Variants in OSBPL2 observed in about 807,000 individuals in gnomAD.
OSBPL2 encodes oxysterol-binding protein-related protein 2.
In OSBPL2, 18 loss-of-function variants were observed where a neutral mutation model predicts 58.4. The observed-to-expected ratio is 0.31, with a 90% confidence interval of 0.21 to 0.46. The LOEUF (loss-of-function observed/expected upper bound fraction) is 0.46. Ranked by LOEUF, OSBPL2 falls within the 20% of genes least tolerant of loss-of-function variation. The pLI is 1.00. For missense variants in OSBPL2, 461 were observed against 616.5 expected, an observed-to-expected ratio of 0.75 and a Z score of 2.67; for synonymous variants, 221 against 234.1, an observed-to-expected ratio of 0.94 and a Z score of 0.51.
chr20:62,291,613 A>G, intron 12 of OSBPL2, 90 bp from the exon 13 acceptor site: 1 of 1,049,270 alleles, frequency 9.5e-7, no homozygotes, highest in South Asian at 1.3e-5. Flanking sequence ...CCACAGTGAG[A>G]CATGCCAACT....
At chr20:62,261,860 A>T (rs1348240627) in intron 3 of OSBPL2, among the ~76,000 whole-genome samples, 2 of 152,092 alleles carry the variant, frequency 1.3e-5, no homozygotes, top group African/African-American at 4.8e-5. Flanking sequence ...CCAGGTTCAG[A>T]TGATTCTCTT....
chr20:62,268,696 C>T (rs751795842), intron 4 of OSBPL2, among the ~76,000 whole-genome samples: 11 of 152,118 alleles, frequency 7.2e-5, no homozygotes, highest in Non-Finnish European at 1.3e-4. Context: ...AACTCCTGGG[C>T]TTAAGTGAAC....
chr20:62,289,395 A>T, intron 12 of OSBPL2, 65 bp downstream of exon 12: 1 of 1,560,822 alleles, frequency 6.4e-7, no homozygotes, highest in Non-Finnish European at 8.7e-7. Flanking sequence ...GTGGGAGAGC[A>T]CAAAGCACTC....
chr20:62,279,554 C>G lies in OSBPL2; in HGVS notation c.674+215C>G. ...CACGTCTGCAGTTGGAATTCGCCCCCCTTTCGGTCACATCATTCATTGTAT... is the reference window on the plus strand; with the variant it reads ...CACGTCTGCAGTTGGAATTCGCCCCGCTTTCGGTCACATCATTCATTGTAT... On this transcript the variant is annotated intron_variant, in intron 7 of 13. Coordinates refer to ENST00000313733, the MANE Select transcript of OSBPL2 (RefSeq NM_144498.4). 7.0e-6 allele frequency: 4 copies of G among 572,072 alleles called. No homozygotes were observed. In the South Asian group the frequency reaches 8.8e-5, roughly 13 times the overall value. 35.4% of individuals were successfully genotyped at this position (572,072 alleles called of 1,614,324 possible). A position where few individuals can be genotyped will look rare whatever the true frequency, so the allele number is the denominator to read the frequency against.
intron 4 of OSBPL2, among the ~76,000 whole-genome samples, chr20:62,267,851 C>T (rs894926067): frequency 6.6e-6 from 1 of 151,900 alleles, no homozygotes; most frequent in Non-Finnish European, 1.5e-5. Context: ...TTGTCATTGT[C>T]TTCAGGGTAT....
chr20:62,248,161 T>C (rs947658859), intron 1 of OSBPL2, among the ~76,000 whole-genome samples: 4 of 145,856 alleles, frequency 2.7e-5, no homozygotes, highest in African/African-American at 1.0e-4. Context: ...TTTTCTTTTT[T>C]TTTTTTTTTT....
intron 1 of OSBPL2, among the ~76,000 whole-genome samples, chr20:62,244,668 A>G (rs1363268336): frequency 2.0e-5 from 3 of 152,240 alleles, no homozygotes; most frequent in Non-Finnish European, 2.9e-5. Context: ...TATTTTTGGC[A>G]ATTAATATTC....
intron 10 of OSBPL2, 35 bp from the exon 11 acceptor site, chr20:62,286,548 C>G (rs1427717451): frequency 3.1e-6 from 5 of 1,589,710 alleles, no homozygotes; most frequent in Non-Finnish European, 4.3e-6. Context: ...GCGGCCTGGC[C>G]CCGGGCAGCC....
chr20:62,286,814 C>A (rs1402017404), intron 11 of OSBPL2, 103 bp downstream of exon 11: 12 of 1,360,136 alleles, frequency 8.8e-6, no homozygotes, highest in Non-Finnish European at 2.0e-6. Context: ...TTGCCTGCCG[C>A]CTCGCCTCAG....
intron 1 of OSBPL2, among the ~76,000 whole-genome samples, chr20:62,248,744 G>A (rs903186395): frequency 1.3e-5 from 2 of 151,936 alleles, no homozygotes; most frequent in Non-Finnish European, 2.9e-5. Flanking sequence ...TCTCTGGAGT[G>A]CAGTGGAGCA....
chr20:62,280,871 AAAG>A (rs1034926113), intron 7 of OSBPL2, among the ~76,000 whole-genome samples, 184 bp from the exon 8 acceptor site: 15 of 152,354 alleles, frequency 9.8e-5, no homozygotes, highest in African/African-American at 2.9e-4. Flanking sequence ...GCTACAAAGG[AAAG>A]AAGAAGTACA....
At position 62,281,531 on chromosome 20, in the gene OSBPL2, A is replaced by G. The variant is rs1982782647; in HGVS notation, c.783-259A>G. On this transcript the variant is annotated intron_variant, in intron 8 of 13. Coordinates refer to ENST00000313733, the MANE Select transcript of OSBPL2 (RefSeq NM_144498.4). Reference sequence around the variant, plus strand: ...GTGGGCTTTGCCTTTTCACCACTTTAGTGAGGTATAATCGATGCATCATAA... The same window carrying G: ...GTGGGCTTTGCCTTTTCACCACTTTGGTGAGGTATAATCGATGCATCATAA... 3.7e-5 allele frequency: 19 copies of G among 508,392 alleles called. 1 individual carries two copies. In the South Asian group the frequency reaches 4.9e-4, roughly 13 times the overall value. 31.5% of individuals were successfully genotyped at this position (508,392 alleles called of 1,614,324 possible).
intron 3 of OSBPL2, among the ~76,000 whole-genome samples, chr20:62,262,086 C>A (rs1046859332): frequency 1.4e-5 from 2 of 147,934 alleles, no homozygotes; most frequent in Non-Finnish European, 3.0e-5. Flanking sequence ...GATCTGGACC[C>A]CCCCCCCACC....
intron 4 of OSBPL2, among the ~76,000 whole-genome samples, chr20:62,268,840 G>A (rs184092730): frequency 4.3e-4 from 66 of 152,148 alleles, no homozygotes; most frequent in African/African-American, 1.6e-3. Context: ...GGCGGATCAC[G>A]AAGTCAGGAG....
At chr20:62,244,541 A>T (rs1298097046) in intron 1 of OSBPL2, among the ~76,000 whole-genome samples, 16 of 152,248 alleles carry the variant, frequency 1.1e-4, no homozygotes, top group Admixed American at 1.0e-3. Context: ...ATTGTGTTGC[A>T]TAAGGAGAAG....
At chr20:62,283,112 C>A (rs768514873) in intron 9 of OSBPL2, among the ~76,000 whole-genome samples, 1 of 152,220 alleles carries the variant, frequency 6.6e-6, no homozygotes, top group Non-Finnish European at 1.5e-5. Flanking sequence ...CACTCGCTGA[C>A]CCTCAGTGAG....
chr20:62,272,348 T>C lies in OSBPL2; in HGVS notation c.393+89T>C, dbSNP rs1021220843. 88 of 1,446,190 alleles carry C rather than the reference T, an allele frequency of 6.1e-5. No individual in the cohort carries two copies. In the African/African-American group the frequency reaches 9.7e-4, roughly 16 times the overall value. The allele number at this position is 1,446,190 out of a possible 1,614,324, so 89.6% of individuals were successfully genotyped here. A position where few individuals can be genotyped will look rare whatever the true frequency, so the allele number is the denominator to read the frequency against. ...ACACAGTCTTGGGGCCCCAGGCATC[T>C]GTGAGGACTCGCACAGCTCCCCCCA... On this transcript the variant is annotated intron_variant, in intron 5 of 13. Coordinates refer to ENST00000313733, the MANE Select transcript of OSBPL2 (RefSeq NM_144498.4).
At chr20:62,289,362 G>A in intron 12 of OSBPL2, 32 bp downstream of exon 12, 3 of 1,607,024 alleles carry the variant, frequency 1.9e-6, no homozygotes, top group Middle Eastern at 1.7e-4. Flanking sequence ...AGGAAGCTTG[G>A]GGCCAAGGAC....
chr20:62,284,323 ATATAT>A (rs1982979377), intron 10 of OSBPL2, 154 bp downstream of exon 10: 2 of 797,920 alleles, frequency 2.5e-6, no homozygotes, highest in East Asian at 5.3e-5. Flanking sequence ...CAGATGAACC[ATATAT>A]TGTGGGTTCC....
Sources: allele counts gnomAD v4.1 joint callset (sites outside exome capture counted in the v4.1 genomes callset), GRCh38; gene constraint gnomAD v4.1.1; transcripts MANE v1.5; gene names NCBI Gene and HGNC (gene_info 2026-07-23, HGNC 2026-07-21).